MAPK10: variants seen among roughly 807,000 people sequenced by gnomAD.
MAPK10 encodes the protein JNK3 alpha protein kinase.
A neutral mutation model predicts 59.3 loss-of-function variants in MAPK10; 25 were observed. That is an observed-to-expected ratio of 0.42 (90% confidence interval 0.31 to 0.59). MAPK10 has a LOEUF of 0.59. Among genes scored for constraint, MAPK10 ranks in the 20% least tolerant of loss-of-function variants. The probability of loss-of-function intolerance (pLI) is 0.15; values close to 1 mark genes in which losing one functional copy is unlikely to be tolerated. For synonymous variants in MAPK10, 190 were observed against 200.5 expected, an observed-to-expected ratio of 0.95 and a Z score of 0.44; for missense variants, 351 against 568.9, an observed-to-expected ratio of 0.62 and a Z score of 3.90.
In MAPK10 at chr4:86,522,505, T is replaced by C. The variant is rs79907834; in HGVS notation, c.-263+71405A>G. 2.8e-4 allele frequency among the ~76,000 whole-genome samples: 43 copies of C among 152,318 alleles called. 1 individual carries two copies. In the East Asian group the frequency reaches 5.8e-3, roughly 20 times the overall value. ...GATACATTTTAGCTTTTATGATTAA[T>C]AGTGCATTTCAATTCTATCCCGCTT... On this transcript the variant is annotated intron_variant, in intron 1 of 4. Coordinates refer to the MAPK10 transcript ENST00000502302.
At chr4:86,170,939 T>C (rs1388360769) in intron 3 of MAPK10, 1 of 151,714 alleles carries the variant, frequency 6.6e-6, no homozygotes, top group East Asian at 1.9e-4. Flanking sequence ...ACCGCTCAAC[T>C]ACATGGAAAC....
chr4:86,539,915 T>C (rs1397332935), intron 1 of MAPK10, among the ~76,000 whole-genome samples: 2 of 152,226 alleles, frequency 1.3e-5, no homozygotes, highest in African/African-American at 2.4e-5. Flanking sequence ...AAATGAGTTG[T>C]AGAATGACTA....
chr4:86,038,452 G>T (rs2040805087), intron 11 of MAPK10, among the ~76,000 whole-genome samples: 1 of 152,092 alleles, frequency 6.6e-6, no homozygotes, highest in Non-Finnish European at 1.5e-5. Flanking sequence ...AGCAAGAAGG[G>T]TATATCTTAG....
At chr4:86,282,592 C>T (rs1297878462) in intron 2 of MAPK10, among the ~76,000 whole-genome samples, 1 of 152,162 alleles carries the variant, frequency 6.6e-6, no homozygotes, top group Non-Finnish European at 1.5e-5. Context: ...GGAAAACAAA[C>T]ATATAATTTA....
At chr4:86,330,075 C>A (rs1042002752) in intron 2 of MAPK10, among the ~76,000 whole-genome samples, 6 of 152,104 alleles carry the variant, frequency 3.9e-5, no homozygotes, top group Admixed American at 1.3e-4. Context: ...ACACATGTGT[C>A]CGTATCCCTG....
intron 2 of MAPK10, among the ~76,000 whole-genome samples, chr4:86,257,057 C>G (rs1375475627): frequency 6.6e-6 from 1 of 152,098 alleles, no homozygotes; most frequent in Non-Finnish European, 1.5e-5. Context: ...GATAGCTGGC[C>G]ATGCTATCTC....
chr4:86,548,508 C>G (rs192373285), intron 1 of MAPK10, among the ~76,000 whole-genome samples: 2 of 152,118 alleles, frequency 1.3e-5, no homozygotes. Context: ...ATTATAATCT[C>G]CAGGGCTGGA....
intron 4 of MAPK10, among the ~76,000 whole-genome samples, chr4:86,126,869 A>G (rs2060154234): frequency 6.6e-6 from 1 of 152,016 alleles, no homozygotes; most frequent in Non-Finnish European, 1.5e-5. Flanking sequence ...CCCCATATCC[A>G]ATCCGTGATT....
At chr4:86,437,536 T>C (rs1243676316) in intron 1 of MAPK10, among the ~76,000 whole-genome samples, 1 of 152,242 alleles carries the variant, frequency 6.6e-6, no homozygotes, top group Non-Finnish European at 1.5e-5. Context: ...TAAGATTTTA[T>C]GTCTATGAGA....
chr4:86,536,086 CAATT>C (rs1399228944), intron 1 of MAPK10, among the ~76,000 whole-genome samples: 2 of 152,080 alleles, frequency 1.3e-5, no homozygotes, highest in Non-Finnish European at 2.9e-5. Context: ...GTTTTCTACT[CAATT>C]GATGTAGGAA....
At chr4:86,379,009 G>A (rs188425134) in intron 1 of MAPK10, among the ~76,000 whole-genome samples, 3 of 152,312 alleles carry the variant, frequency 2.0e-5, no homozygotes, top group African/African-American at 7.2e-5. Flanking sequence ...GAACAGTCTG[G>A]TGGGATGAGG....
chr4:86,429,218 T>C (rs1015183976), intron 1 of MAPK10, among the ~76,000 whole-genome samples: 1 of 152,188 alleles, frequency 6.6e-6, no homozygotes, highest in Admixed American at 6.5e-5. Context: ...CAGGGGAACA[T>C]AGACCATTTG....
At chr4:86,468,226 C>T (rs558858039) in intron 1 of MAPK10, among the ~76,000 whole-genome samples, 74 of 152,162 alleles carry the variant, frequency 4.9e-4, no homozygotes, top group Non-Finnish European at 9.0e-4. Flanking sequence ...GCTAGCCTTG[C>T]TACTTCTCTC....
chr4:86,031,437 G>A lies in MAPK10; in HGVS notation c.1111-6C>T, dbSNP rs13103861. The A allele has an allele frequency of 0.17, 275,720 of 1,600,784 alleles. 26,616 individuals are homozygous for A. The highest frequency in any genetic ancestry group is 0.33 in the African/African-American group (24,244 of 74,554). On this transcript the variant is annotated splice_polypyrimidine_tract_variant and splice_region_variant and intron_variant, in intron 11 of 13. Coordinates refer to ENST00000641462, the MANE Select transcript of MAPK10 (RefSeq NM_138982.4). Reference sequence around the variant, plus strand: ...TCATATATCTGAGGTGGAGGCTGCCGAATAAAAACAAAAAATAATCTTTGT... The same window carrying A: ...TCATATATCTGAGGTGGAGGCTGCCAAATAAAAACAAAAAATAATCTTTGT...
intron 1 of MAPK10, among the ~76,000 whole-genome samples, chr4:86,480,115 G>A (rs967851920): frequency 4.6e-5 from 7 of 152,214 alleles, no homozygotes; most frequent in South Asian, 2.1e-4. Flanking sequence ...TGACCTGCAC[G>A]TATACACCTA....
intron 2 of MAPK10, among the ~76,000 whole-genome samples, chr4:86,267,726 G>A (rs2094302330): frequency 6.6e-6 from 1 of 151,974 alleles, no homozygotes; most frequent in Non-Finnish European, 1.5e-5. Flanking sequence ...AAGCTCACAT[G>A]ACTGGTACCC....
chr4:86,423,064 C>T (rs1005348373), intron 1 of MAPK10, among the ~76,000 whole-genome samples: 4 of 152,124 alleles, frequency 2.6e-5, no homozygotes, highest in Non-Finnish European at 4.4e-5. Context: ...CTAAAATGAG[C>T]ATGGTAGTTA....
chr4:86,566,856 G>A (rs922738912), intron 1 of MAPK10, among the ~76,000 whole-genome samples: 4 of 152,052 alleles, frequency 2.6e-5, no homozygotes, highest in African/African-American at 4.8e-5. Flanking sequence ...AATCACTTGA[G>A]CCCTAAGTTC....
intron 1 of MAPK10, among the ~76,000 whole-genome samples, chr4:86,462,592 C>T (rs1482229584): frequency 2.0e-5 from 3 of 152,236 alleles, no homozygotes; most frequent in Non-Finnish European, 2.9e-5. Flanking sequence ...CAATTCAACC[C>T]GCTCAATTTA....
Sources: gnomAD v4.1 joint callset for allele counts (sites outside exome capture counted in the v4.1 genomes callset) on GRCh38, gnomAD v4.1.1 for gene constraint, MANE v1.5 for transcripts, NCBI Gene and HGNC (gene_info 2026-07-23, HGNC 2026-07-21) for gene names.